ZNF711: variants seen among roughly 807,000 people sequenced by gnomAD.
The protein encoded by ZNF711 is zinc finger protein 711.
A neutral mutation model predicts 43.5 loss-of-function variants in ZNF711; 3 were observed. The ratio of observed to expected loss-of-function variants is 0.07; its 90% CI spans 0.03 to 0.18. The LOEUF (loss-of-function observed/expected upper bound fraction) is 0.18, where lower values mean the gene tolerates loss of function less well. Ranked by LOEUF, ZNF711 falls within the 10% of genes least tolerant of loss-of-function variation. The probability of loss-of-function intolerance (pLI) is 1.00; values close to 1 mark genes in which losing one functional copy is unlikely to be tolerated. For missense variants in ZNF711, 412 were observed against 604.0 expected, an observed-to-expected ratio of 0.68 and a Z score of 3.33; for synonymous variants, 209 against 207.7, an observed-to-expected ratio of 1.01 and a Z score of -0.06.
chrX:85,272,814 A>G lies in ZNF711; in HGVS notation c.*986A>G, dbSNP rs1247494500. ...ACCATATGATTAACATGCATTTTCAATATGAGGCAGTGTTTATGCAGTATT... is the reference window on the plus strand; with the variant it reads ...ACCATATGATTAACATGCATTTTCAGTATGAGGCAGTGTTTATGCAGTATT... On this transcript the variant is annotated 3_prime_UTR_variant, in exon 11 of 11. Transcript: ENST00000674551. 3 of 112,152 alleles carry G rather than the reference A, an allele frequency of 2.7e-5. No homozygotes were observed. Among genetic ancestry groups the G allele is most frequent in the Admixed American group, 9.5e-5 (1 of 10,521 alleles). 9.2% of individuals were successfully genotyped at this position (112,152 alleles called of 1,213,427 possible).
rs1930921886 is a variant in ZNF711 at position 85,264,366 on chromosome X, G to C, written c.714G>C (p.Gly238=). Residue 238 remains glycine (G), a synonymous_variant, in exon 6 of 11, where the codon GGG becomes GGC. Coordinates refer to ENST00000674551, the MANE Select transcript of ZNF711 (RefSeq NM_001330574.2). ...CACAAGAAGATGCTAAAGAAGATGG[G>C]TTTGGTTCTGAAGTTATAAAAGTGT... ...DGSQEDAKED[G]FGSEVIKVYI... is the part of the protein sequence containing the mutation. 8.3e-7 allele frequency: 1 copy of C among 1,207,673 alleles called. No homozygotes were observed. The highest frequency in any genetic ancestry group is 2.2e-5 in the Admixed American group (1 of 45,690).
intron 5 of ZNF711, among the ~76,000 whole-genome samples, chrX:85,263,433 A>G (rs2147850967): frequency 9.0e-6 from 1 of 111,424 alleles, no homozygotes; most frequent in Non-Finnish European, 1.9e-5. Context: ...ACATTGCAAA[A>G]TCTAGATATA....
At chrX:85,247,422 G>T in intron 3 of ZNF711, 125 bp from the exon 4 acceptor site, 1 of 422,266 alleles carries the variant, frequency 2.4e-6, no homozygotes. Context: ...TCTTTGTTTT[G>T]CTTTCTTTTG....
In ZNF711 at chrX:85,268,304, A is replaced by G. The variant is rs766488151; in HGVS notation, c.1065A>G (p.Arg355=). Residue 355 remains arginine, a synonymous_variant, in exon 9 of 11, where the codon AGA becomes AGG. Transcript: ENST00000674551. The part of the protein sequence containing the change: ...VVWAAAYGDE[R]RVSRRYEDCQ... ...TTTTTTTTTTTTTAGGAGATGAAAG[A>G]AGAGTTTCCCGAAGGTATGAAGATT... 21 of 1,173,142 alleles carry G rather than the reference A, an allele frequency of 1.8e-5. No individual in the cohort carries two copies. In the African/African-American group the frequency reaches 3.2e-4, roughly 18 times the overall value.
Position 85,271,732 on chromosome X carries a change from C to G in ZNF711, c.2328C>G (p.Asp776Glu), listed in dbSNP as rs1339069836. The G allele has an allele frequency of 1.7e-6, 2 of 1,209,413 alleles. No individual in the cohort carries two copies. Among genetic ancestry groups the G allele is most frequent in the African/African-American group, 3.5e-5 (2 of 57,182 alleles). Residue 776 changes from aspartate to glutamate, a missense_variant, in exon 11 of 11, where the codon GAC becomes GAG. This residue lies in a region of ZNF711 where 0 missense variants were observed against 19.2 expected (regional missense o/e 0.00). Transcript: ENST00000674551. ...ATGTGATATCAATACATACAAAAGA[C>G]TATCCACACAGGTGTGAATTCTGCA... ...KRHVISIHTK[D>E]YPHRCEFCKK...
At position 85,245,228 on chromosome X, in the gene ZNF711, A is replaced by G. The variant is rs369274542; in HGVS notation, c.-405-675A>G. ...ACATCACTAAGAAGCTAGGTCCTGAATGAGCTATGTTAGAAGAGACAGATT... is the reference window on the plus strand; with the variant it reads ...ACATCACTAAGAAGCTAGGTCCTGAGTGAGCTATGTTAGAAGAGACAGATT... On this transcript the variant is annotated intron_variant, in intron 1 of 10. Transcript: ENST00000674551. Among the ~76,000 whole-genome samples the G allele has an allele frequency of 4.5e-5, 5 of 112,238 alleles. No homozygotes were observed. The East Asian group carries it at 1.4e-3, about 32-fold the overall frequency.
Position 85,247,592 on chromosome X carries a change from G to A in ZNF711, c.20G>A (p.Ser7Asn), listed in dbSNP as rs759975339. The change falls in exon 4 of 11, where the codon AGT becomes AAT. Residue 7 changes from serine (S) to asparagine (N), a missense_variant. Physicochemically the swap from Ser to Asn is conservative, Grantham distance 46. Transcript: ENST00000674551. Reference protein sequence around the residue: MDSGGGSLGLHTPDSRM... With the variant: MDSGGGNLGLHTPDSRM... ...CTAAGTATGGATTCAGGCGGTGGAAGTCTTGGATTGCACACGCCAGACTCT... is the reference window on the plus strand; with the variant it reads ...CTAAGTATGGATTCAGGCGGTGGAAATCTTGGATTGCACACGCCAGACTCT... The A allele has an allele frequency of 1.7e-5, 20 of 1,208,290 alleles. No homozygotes were observed. Among genetic ancestry groups the A allele is most frequent in the East Asian group, 5.9e-5 (2 of 33,755 alleles).
chrX:85,252,629 T>G (rs1253000434), intron 4 of ZNF711, among the ~76,000 whole-genome samples: 1 of 111,828 alleles, frequency 8.9e-6, no homozygotes, highest in Non-Finnish European at 1.9e-5. Context: ...TCTGATTAAA[T>G]GCTAAATTTG....
At chrX:85,269,119 C>T (rs762887439) in intron 9 of ZNF711, among the ~76,000 whole-genome samples, 5 of 111,211 alleles carry the variant, frequency 4.5e-5, no homozygotes, top group Non-Finnish European at 7.6e-5. Flanking sequence ...ATATGTTAAC[C>T]CGTAAAATCA....
chrX:85,255,919 A>T (rs962030458), intron 5 of ZNF711, 118 bp downstream of exon 5: 1 of 722,447 alleles, frequency 1.4e-6, no homozygotes, highest in Non-Finnish European at 2.0e-6. Context: ...TTGAAAAATA[A>T]TTTTTTGAAG....
chrX:85,249,621 T>C (rs1286642398), intron 4 of ZNF711, among the ~76,000 whole-genome samples: 1 of 112,044 alleles, frequency 8.9e-6, no homozygotes, highest in Non-Finnish European at 1.9e-5. Flanking sequence ...TACTACTTTT[T>C]TTCTTTTAGT....
At chrX:85,264,248 T>A in intron 5 of ZNF711, 27 bp from the exon 6 acceptor site, 1 of 1,153,207 alleles carries the variant, frequency 8.7e-7, no homozygotes, top group African/African-American at 1.8e-5. Context: ...ATTTTTTGAC[T>A]GAAATAATTT....
intron 8 of ZNF711, among the ~76,000 whole-genome samples, chrX:85,267,913 G>GTA (rs1931239335): frequency 9.0e-6 from 1 of 110,912 alleles, no homozygotes; most frequent in South Asian, 3.7e-4. Flanking sequence ...GATGGTCCAG[G>GTA]TATACTCTTT....
At chrX:85,245,241 G>A (rs1019819744) in intron 1 of ZNF711, among the ~76,000 whole-genome samples, 1 of 112,131 alleles carries the variant, frequency 8.9e-6, no homozygotes, top group African/African-American at 3.2e-5. Context: ...AGCTATGTTA[G>A]AAGAGACAGA....
rs2343388 is a variant in ZNF711 at position 85,271,981 on chromosome X, A to G, written c.*153A>G. 0.17 allele frequency: 84,031 copies of G among 488,451 alleles called. 5,983 individuals carry two copies. The highest frequency in any genetic ancestry group is 0.4 in the African/African-American group (16,343 of 41,158). 40.3% of individuals were successfully genotyped at this position (488,451 alleles called of 1,213,427 possible). ...AAGATCTTAAAATATTTGAATTCAC[A>G]GGGGATCCCATAGCCCTTTGAAAAT... On this transcript the variant is annotated 3_prime_UTR_variant, in exon 11 of 11. Transcript: ENST00000674551.
In ZNF711 at chrX:85,255,604, A is replaced by G. The variant is rs1348143955; in HGVS notation, c.425A>G (p.Glu142Gly). Reference protein sequence around the residue: ...DLVTGPNGHLEHVVQDCVSGV... With the variant: ...DLVTGPNGHLGHVVQDCVSGV... Reference sequence around the variant, plus strand: ...GTTACTGGTCCTAATGGACACTTAGAACATGTGGTCCAAGATTGTGTTTCA... The same window carrying G: ...GTTACTGGTCCTAATGGACACTTAGGACATGTGGTCCAAGATTGTGTTTCA... The change falls in exon 5 of 11, where the codon GAA (glutamate) becomes GGA (glycine). Residue 142 changes from glutamate (E) to glycine (G), a missense_variant. Around this residue, in one of 4 missense-constraint regions of ZNF711, gnomAD observed 375 missense variants for 514.2 expected, o/e 0.73. Coordinates refer to ENST00000674551, the MANE Select transcript of ZNF711 (RefSeq NM_001330574.2). The G allele has an allele frequency of 8.3e-7, 1 of 1,209,690 alleles. No individual in the cohort carries two copies.
intron 4 of ZNF711, among the ~76,000 whole-genome samples, chrX:85,254,648 A>T (rs1424990070): frequency 2.4e-5 from 2 of 82,276 alleles, no homozygotes; most frequent in Admixed American, 1.4e-4. Flanking sequence ...AAAAAAAAAA[A>T]AAAATTAGCC....
In ZNF711 at chrX:85,271,456, T is replaced by A. The variant is rs763815710; in HGVS notation, c.2052T>A (p.Ser684Arg). Residue 684 changes from serine to arginine, a missense_variant, in exon 11 of 11, where the codon AGT (serine) becomes AGA (arginine). By Grantham distance (110) the Ser-to-Arg change is moderately radical. Transcript: ENST00000674551. ...GTCCTTCTGAGCTCAAAAAGCATAG[T>A]GATATCCATAAGGGTAGGAAGATTC... is the stretch of plus-strand genomic sequence containing the variant. ...FHRPSELKKHSDIHKGRKIHQ... is the reference protein window; with the variant it reads ...FHRPSELKKHRDIHKGRKIHQ... 1 of 1,209,525 alleles carries A rather than the reference T, an allele frequency of 8.3e-7. No homozygotes were observed. Among genetic ancestry groups the A allele is most frequent in the African/African-American group, 1.7e-5 (1 of 57,144 alleles).
chrX:85,254,105 A>C (rs1426872774), intron 4 of ZNF711, among the ~76,000 whole-genome samples: 1 of 111,505 alleles, frequency 9.0e-6, no homozygotes, highest in Non-Finnish European at 1.9e-5. Flanking sequence ...AGCTACTATG[A>C]GCTGTTAGGA....
Sources: gnomAD v4.1 joint callset for allele counts (sites outside exome capture counted in the v4.1 genomes callset) on GRCh38, gnomAD v4.1.1 for gene constraint, gnomAD v4.1.1 regional missense constraint, MANE v1.5 for transcripts, NCBI Gene and HGNC (gene_info 2026-07-23, HGNC 2026-07-21) for gene names.